WDR48: variants seen among roughly 807,000 people sequenced by gnomAD.
WDR48 encodes WD repeat-containing protein 48.
A neutral mutation model predicts 94.0 loss-of-function variants in WDR48; 22 were observed. The observed-to-expected ratio is 0.23, with a 90% CI of 0.17 to 0.33. The LOEUF (loss-of-function observed/expected upper bound fraction) is 0.33. Ranked by LOEUF, WDR48 falls within the 10% of genes least tolerant of loss-of-function variation. The pLI, the probability that WDR48 is intolerant of heterozygous loss-of-function variation, is 1.00. For missense variants in WDR48, 541 were observed against 813.8 expected (o/e 0.66, Z 4.08); for synonymous variants, 278 against 280.5 (o/e 0.99, Z 0.09).
chr3:39,052,393 T>A, intron 1 of WDR48: 1 of 301,690 alleles, frequency 3.3e-6, no homozygotes, highest in Non-Finnish European at 6.2e-6. Flanking sequence ...TGCCTCCCCC[T>A]TGCCCTGTCT....
At chr3:39,059,165 GA>G (rs1181080446) in intron 1 of WDR48, among the ~76,000 whole-genome samples, 1 of 151,992 alleles carries the variant, frequency 6.6e-6, no homozygotes, top group Non-Finnish European at 1.5e-5. Context: ...TGAGGAGAAT[GA>G]GATCAGAAAG....
chr3:39,091,449 T>C (rs2035069321), intron 16 of WDR48, 176 bp from the exon 17 acceptor site: 1 of 497,274 alleles, frequency 2.0e-6, no homozygotes, highest in Non-Finnish European at 3.6e-6. Flanking sequence ...TATATTTTTC[T>C]GATGAATTTT....
intron 2 of WDR48, 149 bp from the exon 3 acceptor site, chr3:39,065,662 T>A (rs2033558952): frequency 2.1e-6 from 1 of 480,910 alleles, no homozygotes; most frequent in Non-Finnish European, 3.6e-6. Flanking sequence ...AAGCATCACC[T>A]ATTTGGTGAG....
At chr3:39,060,542 T>C (rs1027929646) in intron 1 of WDR48, among the ~76,000 whole-genome samples, 2 of 152,228 alleles carry the variant, frequency 1.3e-5, no homozygotes, top group African/African-American at 4.8e-5. Flanking sequence ...GTGAACATTC[T>C]TGTACATAGA....
At chr3:39,084,611 A>T in intron 12 of WDR48, 34 bp from the exon 13 acceptor site, 1 of 1,577,984 alleles carries the variant, frequency 6.3e-7, no homozygotes, top group South Asian at 1.1e-5. Flanking sequence ...GAATATATTC[A>T]AATGGGATGC....
intron 8 of WDR48, among the ~76,000 whole-genome samples, chr3:39,076,701 C>T (rs960218703): frequency 2.0e-5 from 3 of 152,128 alleles, no homozygotes; most frequent in South Asian, 2.1e-4. Flanking sequence ...CCAGGTGTCC[C>T]GTCCTTAGGC....
intron 17 of WDR48, among the ~76,000 whole-genome samples, chr3:39,093,482 C>A (rs751720456): frequency 2.0e-5 from 3 of 152,146 alleles, no homozygotes; most frequent in Non-Finnish European, 4.4e-5. Flanking sequence ...CAGGCGTGCA[C>A]CACCATGCCC....
chr3:39,070,295 A>G (rs1482324416), intron 7 of WDR48, among the ~76,000 whole-genome samples: 1 of 152,216 alleles, frequency 6.6e-6, no homozygotes, highest in African/African-American at 2.4e-5. Context: ...TTTTTCATCA[A>G]TGTAGATAAT....
intron 7 of WDR48, among the ~76,000 whole-genome samples, chr3:39,070,502 C>G (rs1309883603): frequency 1.3e-5 from 2 of 152,070 alleles, no homozygotes; most frequent in Non-Finnish European, 2.9e-5. Flanking sequence ...GAAGTTAAGA[C>G]TTTAGACATG....
At chr3:39,066,992 G>C (rs1258254615) in intron 5 of WDR48, 117 bp downstream of exon 5, 1 of 1,249,448 alleles carries the variant, frequency 8.0e-7, no homozygotes, top group Admixed American at 2.3e-5. Context: ...TTTTGAGAGT[G>C]CTTCTACCTA....
chr3:39,081,636 G>A (rs1460558983), intron 11 of WDR48, among the ~76,000 whole-genome samples: 2 of 152,182 alleles, frequency 1.3e-5, no homozygotes, highest in Non-Finnish European at 2.9e-5. Flanking sequence ...CCACAAATGT[G>A]TCCCTAACTC....
At chr3:39,082,230 A>G (rs2034573156) in intron 11 of WDR48, among the ~76,000 whole-genome samples, 1 of 152,166 alleles carries the variant, frequency 6.6e-6, no homozygotes. Context: ...GGGGATGGAA[A>G]AAATCGAATG....
chr3:39,064,857 A>C (rs1470646621), intron 2 of WDR48, among the ~76,000 whole-genome samples: 1 of 152,210 alleles, frequency 6.6e-6, no homozygotes, highest in Non-Finnish European at 1.5e-5. Context: ...AAAGTAAGAA[A>C]ACTATGTTTG....
intron 17 of WDR48, among the ~76,000 whole-genome samples, chr3:39,093,210 G>A (rs1468120869): frequency 6.6e-6 from 1 of 152,188 alleles, no homozygotes; most frequent in Non-Finnish European, 1.5e-5. Context: ...TGGCAGTGGG[G>A]AGGAGAGCCC....
intron 16 of WDR48, 76 bp downstream of exon 16, chr3:39,089,394 T>C: frequency 1.4e-6 from 2 of 1,391,596 alleles, no homozygotes; most frequent in Non-Finnish European, 2.0e-6. Flanking sequence ...TTAGACATTA[T>C]AATTTTAAAC....
intron 2 of WDR48, among the ~76,000 whole-genome samples, chr3:39,064,676 G>C (rs972438295): frequency 6.6e-6 from 1 of 152,124 alleles, no homozygotes; most frequent in African/African-American, 2.4e-5. Flanking sequence ...GAAAACCCTA[G>C]TGCTAGACCT....
Position 39,094,045 on chromosome 3 carries a change from T to C in WDR48, c.1917T>C (p.Ile639=). Residue 639 remains isoleucine, a synonymous_variant, in exon 18 of 19, where the codon ATT becomes ATC. Coordinates refer to ENST00000302313, the MANE Select transcript of WDR48 (RefSeq NM_020839.4). ...TTGCTGTGTTGGCAGAGGAGAAAATTGAACTTTTGTGCCAGGACCAGGTAA... is the reference window on the plus strand; with the variant it reads ...TTGCTGTGTTGGCAGAGGAGAAAATCGAACTTTTGTGCCAGGACCAGGTAA... ...EDIAVLAEEK[I]ELLCQDQVLD... 6.2e-7 allele frequency: 1 copy of C among 1,611,712 alleles called. No individual in the cohort carries two copies. Among genetic ancestry groups the C allele is most frequent in the South Asian group, 1.1e-5 (1 of 90,490 alleles).
intron 2 of WDR48, among the ~76,000 whole-genome samples, chr3:39,063,504 T>A (rs1341368964): frequency 6.6e-6 from 1 of 152,216 alleles, no homozygotes; most frequent in East Asian, 1.9e-4. Context: ...TTGCTTTAAA[T>A]ATGTTCCCCA....
intron 7 of WDR48, among the ~76,000 whole-genome samples, chr3:39,071,952 A>G (rs1231876343): frequency 2.0e-5 from 3 of 152,228 alleles, no homozygotes; most frequent in Non-Finnish European, 4.4e-5. Flanking sequence ...TTCTACTTAC[A>G]GATTCTTGAA....
Sources: allele counts gnomAD v4.1 joint callset (sites outside exome capture counted in the v4.1 genomes callset), GRCh38; gene constraint gnomAD v4.1.1; transcripts MANE v1.5; gene names NCBI Gene and HGNC (gene_info 2026-07-23, HGNC 2026-07-21).